Variants in SBNO2 observed in about 807,000 individuals in gnomAD.
The protein encoded by SBNO2 is strawberry notch homolog 2.
Under a neutral mutation model 146.3 loss-of-function variants are expected in SBNO2, and 89 were observed. The observed-to-expected ratio is 0.61, with a 90% CI of 0.51 to 0.73. SBNO2 has a LOEUF of 0.73. Ranked by LOEUF, SBNO2 falls within the 30% of genes least tolerant of loss-of-function variation. The probability of loss-of-function intolerance (pLI) is 0.00; values close to 1 mark genes in which losing one functional copy is unlikely to be tolerated. For synonymous variants in SBNO2, 1,147 were observed against 892.6 expected, an observed-to-expected ratio of 1.29 and a Z score of -5.08; for missense variants, 2,092 against 2,003.7, an observed-to-expected ratio of 1.04 and a Z score of -0.84.
intron 4 of SBNO2, among the ~76,000 whole-genome samples, chr19:1,146,181 T>C (rs929127806): frequency 6.6e-6 from 1 of 152,102 alleles, no homozygotes; most frequent in Admixed American, 6.5e-5. Flanking sequence ...CCCAATGACA[T>C]CCAAAAAGAC....
intron 4 of SBNO2, among the ~76,000 whole-genome samples, chr19:1,146,230 G>A (rs1402768598): frequency 6.6e-6 from 1 of 152,108 alleles, no homozygotes; most frequent in East Asian, 1.9e-4. Flanking sequence ...ACTCTACTGG[G>A]GAGGCGGACT....
In SBNO2 at chr19:1,122,365, G is replaced by A. The variant is rs775755680; in HGVS notation, c.1006-83C>T. The A allele has an allele frequency of 5.0e-4, 760 of 1,517,366 alleles. 4 individuals are homozygous for A. The highest frequency in any genetic ancestry group is 6.0e-5 in the Non-Finnish European group (68 of 1,127,374). The allele number at this position is 1,517,366 out of a possible 1,614,324, so 94.0% of individuals were successfully genotyped here. On this transcript the variant is annotated intron_variant, in intron 10 of 31. Coordinates refer to ENST00000361757, the MANE Select transcript of SBNO2 (RefSeq NM_014963.3). ...GGGTCTCCCTATCTGTAAGGGTGCT[G>A]GGCAGAGCCTGCCCTGGCTGCTGGC... is the stretch of plus-strand genomic sequence containing the variant.
In SBNO2 at chr19:1,157,351, C is replaced by T. The variant is rs1335497431; in HGVS notation, c.-126-2949G>A. ...TGCCACGCAGCCCCGGAGACGCTCT[C>T]CCCACGCGGCCCCGGAGACCCTCTG... is the stretch of plus-strand genomic sequence containing the variant. On this transcript the variant is annotated intron_variant, in intron 1 of 31. Coordinates refer to ENST00000361757, the MANE Select transcript of SBNO2 (RefSeq NM_014963.3). This position sits in a 1 kb window ranked among gnomAD's most constrained non-coding sequence, Gnocchi z 6.8. Among the ~76,000 whole-genome samples the T allele has an allele frequency of 6.6e-6, 1 of 151,054 alleles. No homozygotes were observed. Among genetic ancestry groups the T allele is most frequent in the Non-Finnish European group, 1.5e-5 (1 of 67,914 alleles).
At chr19:1,164,627 G>C (rs2080388190) in intron 1 of SBNO2, among the ~76,000 whole-genome samples, 1 of 74,100 alleles carries the variant, frequency 1.3e-5, no homozygotes, top group Non-Finnish European at 3.2e-5. Context: ...GGAGGAACAG[G>C]AGGAGGAGGA....
intron 1 of SBNO2, 73 bp from the exon 2 acceptor site, chr19:1,154,475 T>G (rs1338581859): frequency 5.2e-6 from 2 of 383,730 alleles, no homozygotes; most frequent in Non-Finnish European, 9.2e-6. Flanking sequence ...CGCCTCTCCC[T>G]CGGGCATGAC....
At chr19:1,128,123 A>G (rs2079987900) in intron 4 of SBNO2, 1 of 504,678 alleles carries the variant, frequency 2.0e-6, no homozygotes, top group East Asian at 5.5e-5. Flanking sequence ...AGAGCGAGAG[A>G]GTGAGACTCC....
chr19:1,112,597 C>T lies in SBNO2; in HGVS notation c.2380-60G>A, dbSNP rs988352048. On this transcript the variant is annotated intron_variant, in intron 20 of 31. Coordinates refer to ENST00000361757, the MANE Select transcript of SBNO2 (RefSeq NM_014963.3). The surrounding 1 kb of genome is among the most constrained non-coding windows in gnomAD (Gnocchi z 5.9). The stretch of plus-strand genomic sequence containing the variant: ...GCAAGGCCCGCCCCAGCGTTGCCGC[C>T]ACCTCCTCACCCACTAGGCCCCCGC... 6.6e-7 allele frequency: 1 copy of T among 1,509,756 alleles called. No individual in the cohort carries two copies. Among genetic ancestry groups the T allele is most frequent in the African/African-American group, 1.4e-5 (1 of 72,678 alleles). The allele number at this position is 1,509,756 out of a possible 1,614,324, so 93.5% of individuals were successfully genotyped here. A position where few individuals can be genotyped will look rare whatever the true frequency, so the allele number is the denominator to read the frequency against.
In SBNO2 at chr19:1,140,370, G is replaced by A. The variant is rs1422532868; in HGVS notation, c.279+6939C>T. Among the ~76,000 whole-genome samples the A allele has an allele frequency of 6.6e-6, 1 of 152,078 alleles. No homozygotes were observed. The highest frequency in any genetic ancestry group is 1.9e-4 in the East Asian group (1 of 5,190). On this transcript the variant is annotated intron_variant, in intron 4 of 31. Coordinates refer to ENST00000361757, the MANE Select transcript of SBNO2 (RefSeq NM_014963.3). The surrounding 1 kb of genome is among the most constrained non-coding windows in gnomAD (Gnocchi z 4.4). The stretch of plus-strand genomic sequence containing the variant: ...GAACCACGGTTCACCTGCACACCGC[G>A]GCAGGGGGCCCCACCAGGACACACG...
In SBNO2 at chr19:1,158,136, C is replaced by T. The variant is rs1309152885; in HGVS notation, c.-126-3734G>A. ...CTGGCTGGACGCCCCAGGGTCTCAC[C>T]CCACGCTGTGCAGCAACAGCTCAGC... On this transcript the variant is annotated intron_variant, in intron 1 of 31. Coordinates refer to ENST00000361757, the MANE Select transcript of SBNO2 (RefSeq NM_014963.3). This position sits in a 1 kb window ranked among gnomAD's most constrained non-coding sequence, Gnocchi z 9.9. 6.6e-6 allele frequency among the ~76,000 whole-genome samples: 1 copy of T among 152,216 alleles called. No homozygotes were observed. The highest frequency in any genetic ancestry group is 1.5e-5 in the Non-Finnish European group (1 of 68,040).
chr19:1,153,851 T>C (rs1385959557), intron 2 of SBNO2, among the ~76,000 whole-genome samples: 1 of 152,178 alleles, frequency 6.6e-6, no homozygotes, highest in East Asian at 1.9e-4. Context: ...ATTTTTTAAG[T>C]AATTCCCTCA....
intron 4 of SBNO2, among the ~76,000 whole-genome samples, chr19:1,134,463 G>A (rs2080067745): frequency 6.9e-6 from 1 of 144,338 alleles, no homozygotes; most frequent in African/African-American, 2.7e-5. Flanking sequence ...ACCCAGCCAT[G>A]AAAAGGAGCA....
chr19:1,119,171 A>G lies in SBNO2; in HGVS notation c.1374-7T>C. The G allele has an allele frequency of 6.3e-7, 1 of 1,591,702 alleles. No homozygotes were observed. The highest frequency in any genetic ancestry group is 1.1e-5 in the South Asian group (1 of 88,976). Reference sequence around the variant, plus strand: ...CTCCATGGCGCCAACGCCCCTGCGGATGGACACAGCCCCCGTGAGCACGGC... The same window carrying G: ...CTCCATGGCGCCAACGCCCCTGCGGGTGGACACAGCCCCCGTGAGCACGGC... On this transcript the variant is annotated splice_region_variant and splice_polypyrimidine_tract_variant and intron_variant, in intron 13 of 31. Coordinates refer to ENST00000361757, the MANE Select transcript of SBNO2 (RefSeq NM_014963.3).
At chr19:1,169,615 G>A (rs1355578902) in intron 1 of SBNO2, among the ~76,000 whole-genome samples, 3 of 152,198 alleles carry the variant, frequency 2.0e-5, no homozygotes, top group Non-Finnish European at 4.4e-5. Context: ...CATCACTGTT[G>A]CCGTCCTACG....
chr19:1,142,150 G>A (rs1282529518), intron 4 of SBNO2, among the ~76,000 whole-genome samples: 4 of 46,048 alleles, frequency 8.7e-5, no homozygotes, highest in African/African-American at 2.7e-4. Context: ...CCCTCCCCAC[G>A]ATCAATCCTC....
At chr19:1,138,536 G>A (rs751542901) in intron 4 of SBNO2, among the ~76,000 whole-genome samples, 9 of 152,056 alleles carry the variant, frequency 5.9e-5, no homozygotes, top group Non-Finnish European at 1.0e-4. Context: ...CAAGAGAAAC[G>A]AAAACGTGTC....
At chr19:1,114,791 C>T (rs1401314329) in intron 17 of SBNO2, among the ~76,000 whole-genome samples, 4 of 152,144 alleles carry the variant, frequency 2.6e-5, no homozygotes, top group African/African-American at 9.7e-5. Context: ...CCCACCACCA[C>T]GCCTGGCTAA....
chr19:1,108,886 G>A lies in SBNO2; in HGVS notation c.3509C>T (p.Ala1170Val). 1 of 1,588,666 alleles carries A rather than the reference G, an allele frequency of 6.3e-7. No homozygotes were observed. The highest frequency in any genetic ancestry group is 8.5e-7 in the Non-Finnish European group (1 of 1,174,642). ...GATGCGGCCCCACACGCGCAGCAGC[G>A]CGCCGCACAGCATGTAGTGGTGCCG... The part of the protein sequence containing the change: ...RLRHHYMLCG[A>V]LLRVWGRIAA... The change falls in exon 31 of 32, where the codon GCG becomes GTG. Residue 1170 changes from alanine to valine, a missense_variant. Transcript: ENST00000361757.
At position 1,140,299 on chromosome 19, in the gene SBNO2, C is replaced by CAA. The variant is rs540196785; in HGVS notation, c.279+7008_279+7009dup. On this transcript the variant is annotated intron_variant, in intron 4 of 31. Coordinates refer to ENST00000361757, the MANE Select transcript of SBNO2 (RefSeq NM_014963.3). The surrounding 1 kb of genome is among the most constrained non-coding windows in gnomAD (Gnocchi z 4.4). ...TGGGCGACAGAGCGAGATTTCATCT[C>CAA]AAAAAAAAAAAAAAAGCAGCAGCAA... 1.9e-5 allele frequency among the ~76,000 whole-genome samples: 2 copies of CAA among 105,088 alleles called. No individual in the cohort carries two copies. Among genetic ancestry groups the CAA allele is most frequent in the African/African-American group, 3.5e-5 (1 of 28,334 alleles). The allele number at this position is 105,088 out of a possible 152,430, so 68.9% of individuals were successfully genotyped here. A position where few individuals can be genotyped will look rare whatever the true frequency, so the allele number is the denominator to read the frequency against.
Position 1,136,687 on chromosome 19 carries a change from T to C in SBNO2, c.280-8922A>G, listed in dbSNP as rs1301171831. ...CTCTTTTTTGCCCAATGCCAGTAAC[T>C]GTGGGGGCTCCGTGGTGCCGGATGG... is the stretch of plus-strand genomic sequence containing the variant. On this transcript the variant is annotated intron_variant, in intron 4 of 31. Coordinates refer to ENST00000361757, the MANE Select transcript of SBNO2 (RefSeq NM_014963.3). This position sits in a 1 kb window ranked among gnomAD's most constrained non-coding sequence, Gnocchi z 4.2. Among the ~76,000 whole-genome samples, 1 of 152,164 alleles carries C rather than the reference T, an allele frequency of 6.6e-6. No homozygotes were observed. Among genetic ancestry groups the C allele is most frequent in the Non-Finnish European group, 1.5e-5 (1 of 68,030 alleles).
Sources: allele counts gnomAD v4.1 joint callset (sites outside exome capture counted in the v4.1 genomes callset), GRCh38; gene constraint gnomAD v4.1.1; non-coding constraint Gnocchi (gnomAD v3.1); transcripts MANE v1.5; gene names NCBI Gene and HGNC (gene_info 2026-07-23, HGNC 2026-07-21).